Variants in CCDC110 observed in about 807,000 individuals in gnomAD.
The protein encoded by CCDC110 is coiled-coil domain-containing protein 110.
In CCDC110, 70 loss-of-function variants were observed where a neutral mutation model predicts 77.1. The observed-to-expected ratio is 0.91, with a 90% confidence interval of 0.75 to 1.11. The LOEUF (loss-of-function observed/expected upper bound fraction) is 1.11, where lower values mean the gene tolerates loss of function less well. Ranked by LOEUF, CCDC110 falls within the 50% of genes least tolerant of loss-of-function variation. The probability of loss-of-function intolerance (pLI) is 0.00; values close to 1 mark genes in which losing one functional copy is unlikely to be tolerated. For synonymous variants in CCDC110, 295 were observed against 312.5 expected (o/e 0.94, Z 0.59); for missense variants, 868 against 942.9 (o/e 0.92, Z 1.04).
Position 185,460,010 on chromosome 4 carries a change from T to C in CCDC110, c.577A>G (p.Ile193Val), listed in dbSNP as rs1343655844. The change falls in exon 6 of 7, where the codon ATC becomes GTC. Residue 193 changes from isoleucine (I) to valine (V), a missense_variant. By Grantham distance (29) the Ile-to-Val change is conservative (BLOSUM62 3). Transcript: ENST00000307588. ...IIIHPSENSD[I>V]LKNYNNFYRF... Reference sequence around the variant, plus strand: ...TAAAAGTTATTATAATTCTTCAAGATGTCAGAATTTTCTGAAGGGTGTATA... The same window carrying C: ...TAAAAGTTATTATAATTCTTCAAGACGTCAGAATTTTCTGAAGGGTGTATA... 3 of 1,613,430 alleles carry C rather than the reference T, an allele frequency of 1.9e-6. No individual in the cohort carries two copies. The Admixed American group carries it at 5.0e-5, about 27-fold the overall frequency.
intron 2 of CCDC110, among the ~76,000 whole-genome samples, chr4:185,467,655 G>A (rs1263297943): frequency 2.0e-5 from 3 of 152,202 alleles, no homozygotes; most frequent in Admixed American, 6.5e-5. Context: ...TCAATGGGAT[G>A]ACTTTTGAGG....
rs1343438368 is a variant in CCDC110, at chr4:185,445,276, C to CAGGT, written c.*222_*225dup. On this transcript the variant is annotated 3_prime_UTR_variant, in exon 7 of 7. Transcript: ENST00000307588. ...TAGACATCTCAGCTCCTTCCATGTA[C>CAGGT]AGGTACCTGCCCTCCCTTGTAGAAG... 4.0e-6 allele frequency: 3 copies of CAGGT among 757,026 alleles called. No individual in the cohort carries two copies. In the East Asian group the frequency reaches 8.1e-5, roughly 20 times the overall value. 46.9% of individuals were successfully genotyped at this position (757,026 alleles called of 1,614,324 possible).
chr4:185,461,209 G>T, intron 4 of CCDC110, 50 bp from the exon 5 acceptor site: 1 of 886,360 alleles, frequency 1.1e-6, no homozygotes, highest in Non-Finnish European at 1.8e-6. Context: ...GTAAACTTAT[G>T]AATGTACAGG....
chr4:185,462,097 T>C (rs944157431), intron 4 of CCDC110, among the ~76,000 whole-genome samples: 2 of 152,132 alleles, frequency 1.3e-5, no homozygotes, highest in African/African-American at 4.8e-5. Flanking sequence ...AAACTCCTTC[T>C]CAAAGCAAAG....
chr4:185,457,156 G>T (rs776503835), intron 6 of CCDC110: 8 of 430,592 alleles, frequency 1.9e-5, no homozygotes, highest in Admixed American at 1.8e-4. Context: ...GAAAAACCAG[G>T]ATCACCTCCA....
intron 6 of CCDC110, among the ~76,000 whole-genome samples, chr4:185,454,279 C>T (rs184315418): frequency 2.0e-4 from 30 of 152,284 alleles, no homozygotes; most frequent in Admixed American, 1.9e-3. Context: ...TTTATTCCTC[C>T]TCACACCTTA....
At position 185,458,311 on chromosome 4, in the gene CCDC110, G is replaced by T. The variant is rs1026009644; in HGVS notation, c.2276C>A (p.Thr759Asn). ...AAGATGCCGCATCTCAAATTCCAAG[G>T]TATCCCTTTCATTTTCTATGCTTCT... The part of the protein sequence containing the change: ...YVRSIENERD[T>N]LEFEMRHLQR... The change falls in exon 6 of 7, where the codon ACC (threonine) becomes AAC (asparagine). Residue 759 changes from threonine to asparagine, a missense_variant. Transcript: ENST00000307588. The T allele has an allele frequency of 1.3e-6, 2 of 1,592,518 alleles. No individual in the cohort carries two copies. Among genetic ancestry groups the T allele is most frequent in the Non-Finnish European group, 1.7e-6 (2 of 1,173,716 alleles).
Position 185,471,006 on chromosome 4 carries a change from AAGG to A in CCDC110, c.51_53del (p.Leu18del), listed in dbSNP as rs761430995. The A allele has an allele frequency of 6.2e-7, 1 of 1,605,196 alleles. No individual in the cohort carries two copies. The highest frequency in any genetic ancestry group is 8.5e-7 in the Non-Finnish European group (1 of 1,177,576). On this transcript the variant is annotated inframe_deletion, in exon 2 of 7. Transcript: ENST00000307588. Reference sequence around the variant, plus strand: ...AAGAATTTAGGATCTTGGACGCTGAAAGGAGAACGGAGTCAACTTCATCCTCTT... The same window carrying A: ...AAGAATTTAGGATCTTGGACGCTGAAAGAACGGAGTCAACTTCATCCTCTT...
chr4:185,457,229 G>A (rs1353038632), intron 6 of CCDC110: 3 of 455,642 alleles, frequency 6.6e-6, no homozygotes, highest in African/African-American at 4.0e-5. Context: ...AGTCTTGGAA[G>A]ACAGAGTGTC....
chr4:185,450,756 A>AAAC (rs1411855611), intron 6 of CCDC110, among the ~76,000 whole-genome samples: 1 of 151,580 alleles, frequency 6.6e-6, no homozygotes, highest in East Asian at 1.9e-4. Flanking sequence ...AAAAAAAAAA[A>AAAC]AAATCTGCTC....
At chr4:185,469,143 C>G (rs56257062) in intron 2 of CCDC110, among the ~76,000 whole-genome samples, 26 of 152,122 alleles carry the variant, frequency 1.7e-4, no homozygotes, top group Non-Finnish European at 3.2e-4. Flanking sequence ...TGTAACCTGG[C>G]AGTAGTTATG....
At chr4:185,466,933 C>T (rs367566596) in intron 2 of CCDC110, among the ~76,000 whole-genome samples, 3 of 152,004 alleles carry the variant, frequency 2.0e-5, no homozygotes, top group Non-Finnish European at 4.4e-5. Context: ...ACAATTCTTC[C>T]GTTGAAATGG....
rs2095606886 is a variant in CCDC110 at position 185,445,206 on chromosome 4, C to A, written c.*296G>T. 1 of 1,253,206 alleles carries A rather than the reference C, an allele frequency of 8.0e-7. No individual in the cohort carries two copies. The highest frequency in any genetic ancestry group is 1.1e-6 in the Non-Finnish European group (1 of 905,378). The allele number at this position is 1,253,206 out of a possible 1,614,324, so 77.6% of individuals were successfully genotyped here. A position where few individuals can be genotyped will look rare whatever the true frequency, so the allele number is the denominator to read the frequency against. ...CTTTTATACTTCTTCAAAATAGTAT[C>A]TTTTATTTATATATACTTTTTTAAA... On this transcript the variant is annotated 3_prime_UTR_variant, in exon 7 of 7. Transcript: ENST00000307588.
rs776785041 is a variant in CCDC110, at chr4:185,458,461, A to AAATGG, written c.2125_2126insCCATT (p.Met709ThrfsTer12). On this transcript the variant is annotated frameshift_variant, in exon 6 of 7. Transcript: ENST00000307588. LOFTEE classifies it high-confidence loss of function. ...AATCTGATTATCTGTTTTGGTTTCC[A>AAATGG]TTACCATTTTTGATAACATTTCACA... 3 of 1,600,816 alleles carry AAATGG rather than the reference A, an allele frequency of 1.9e-6. No individual in the cohort carries two copies. The highest frequency in any genetic ancestry group is 2.6e-6 in the Non-Finnish European group (3 of 1,176,202).
At chr4:185,465,728 C>A (rs2095654414) in intron 2 of CCDC110, among the ~76,000 whole-genome samples, 1 of 152,018 alleles carries the variant, frequency 6.6e-6, no homozygotes, top group African/African-American at 2.4e-5. Context: ...AGGGCTACCG[C>A]AATAATCTAA....
chr4:185,453,107 C>A (rs1038216936), intron 6 of CCDC110, among the ~76,000 whole-genome samples: 5 of 152,114 alleles, frequency 3.3e-5, no homozygotes, highest in East Asian at 1.9e-4. Flanking sequence ...GTGGCCCATG[C>A]CTGTAGTACC....
chr4:185,447,472 G>A (rs1444780441), intron 6 of CCDC110, among the ~76,000 whole-genome samples: 1 of 152,090 alleles, frequency 6.6e-6, no homozygotes, highest in Non-Finnish European at 1.5e-5. Flanking sequence ...GATCCACCAC[G>A]CCCGGCCGAT....
At chr4:185,453,915 G>A (rs974026666) in intron 6 of CCDC110, among the ~76,000 whole-genome samples, 1 of 151,000 alleles carries the variant, frequency 6.6e-6, no homozygotes, top group Non-Finnish European at 1.5e-5. Context: ...CTGGGTTCAC[G>A]CGATTATCCT....
rs1398415082 is a variant in CCDC110 at position 185,459,293 on chromosome 4, G to GT, written c.1293dup (p.Gln432ThrfsTer20). 3 of 1,613,024 alleles carry GT rather than the reference G, an allele frequency of 1.9e-6. No homozygotes were observed. In the South Asian group the frequency reaches 3.3e-5, roughly 18 times the overall value. On this transcript the variant is annotated frameshift_variant, in exon 6 of 7. Coordinates refer to ENST00000307588, the MANE Select transcript of CCDC110 (RefSeq NM_152775.4). LOFTEE classifies it high-confidence loss of function. Reference sequence around the variant, plus strand: ...TGCACAGATTCTTTTAGGTAATTCTGTAAGTACTGAATTTTTGCAACACAC... The same window carrying GT: ...TGCACAGATTCTTTTAGGTAATTCTGTTAAGTACTGAATTTTTGCAACACAC...
Sources: gnomAD v4.1 joint callset for allele counts (sites outside exome capture counted in the v4.1 genomes callset) on GRCh38, gnomAD v4.1.1 for gene constraint, MANE v1.5 for transcripts, NCBI Gene and HGNC (gene_info 2026-07-23, HGNC 2026-07-21) for gene names.